The following COMMD10 variants were observed in gnomAD, a reference collection of about 807,000 sequenced individuals.
COMMD10 encodes COMM domain-containing protein 10.
In COMMD10, 33 loss-of-function variants were observed where a neutral mutation model predicts 28.9. The observed-to-expected ratio is 1.14, with a 90% CI of 0.87 to 1.53. COMMD10 has a LOEUF of 1.53. COMMD10 is among the 40% of genes most tolerant of loss of function. The pLI, the probability that COMMD10 is intolerant of heterozygous loss-of-function variation, is 0.00. For missense variants in COMMD10, 310 were observed against 233.4 expected (o/e 1.33, Z -2.14); for synonymous variants, 110 against 81.7 (o/e 1.35, Z -1.87).
intron 4 of COMMD10, among the ~76,000 whole-genome samples, chr5:116,112,582 G>T (rs190672913): frequency 6.6e-6 from 1 of 152,002 alleles, no homozygotes; most frequent in Non-Finnish European, 1.5e-5. Context: ...TGTACTTTAA[G>T]TAGAGACTGT....
chr5:116,243,038 A>G (rs564256284), intron 5 of COMMD10, among the ~76,000 whole-genome samples: 2 of 152,208 alleles, frequency 1.3e-5, no homozygotes, highest in Non-Finnish European at 2.9e-5. Context: ...TTTCTTTATT[A>G]AATAATACCC....
chr5:116,164,448 T>A lies in COMMD10; in HGVS notation c.510+30270T>A, dbSNP rs12521150. Among the ~76,000 whole-genome samples, 809 of 152,334 alleles carry A rather than the reference T, an allele frequency of 5.3e-3. 35 individuals are homozygous for A. The highest frequency in any genetic ancestry group is 0.036 in the East Asian group (189 of 5,186). On this transcript the variant is annotated intron_variant, in intron 5 of 6. Coordinates refer to ENST00000274458, the MANE Select transcript of COMMD10 (RefSeq NM_016144.4). ...GTTGTTCACACAAAGGTTAGGTAAT[T>A]CTATAATTAATTTTTCATTGGTTTA...
intron 5 of COMMD10, among the ~76,000 whole-genome samples, chr5:116,235,710 A>G (rs1174447931): frequency 2.0e-5 from 3 of 152,200 alleles, no homozygotes; most frequent in Non-Finnish European, 4.4e-5. Flanking sequence ...TGCTGATGAG[A>G]AATAGAATTC....
intron 5 of COMMD10, among the ~76,000 whole-genome samples, chr5:116,172,783 AC>A (rs1166678659): frequency 2.6e-5 from 4 of 152,018 alleles, no homozygotes; most frequent in Non-Finnish European, 4.4e-5. Context: ...AATATTACTA[AC>A]CTTTCCTCAT....
At chr5:116,204,180 G>C (rs1448475617) in intron 5 of COMMD10, among the ~76,000 whole-genome samples, 1 of 152,174 alleles carries the variant, frequency 6.6e-6, no homozygotes, top group African/African-American at 2.4e-5. Context: ...AATTCAACAA[G>C]AAGAGCTATC....
Position 116,149,218 on chromosome 5 carries a change from G to A in COMMD10, c.510+15040G>A, listed in dbSNP as rs1195119019. ...TTTTATGGCTGCGTAGTATTCCATG[G>A]TATATATGTGACACATTTTCTTAAT... On this transcript the variant is annotated intron_variant, in intron 5 of 6. Coordinates refer to ENST00000274458, the MANE Select transcript of COMMD10 (RefSeq NM_016144.4). 2.0e-5 allele frequency among the ~76,000 whole-genome samples: 3 copies of A among 146,558 alleles called. 1 individual carries two copies. The highest frequency in any genetic ancestry group is 4.4e-5 in the Non-Finnish European group (3 of 67,464).
intron 4 of COMMD10, among the ~76,000 whole-genome samples, chr5:116,123,363 G>A (rs1305334219): frequency 1.3e-5 from 2 of 152,140 alleles, no homozygotes; most frequent in African/African-American, 4.8e-5. Context: ...TTATGTGATG[G>A]ATTACGTTTA....
At chr5:116,110,604 T>G (rs911649452) in intron 4 of COMMD10, among the ~76,000 whole-genome samples, 2 of 152,208 alleles carry the variant, frequency 1.3e-5, no homozygotes, top group South Asian at 4.1e-4. Context: ...TGTGTATTAG[T>G]CTGTTCTTAC....
intron 4 of COMMD10, among the ~76,000 whole-genome samples, chr5:116,133,208 A>C (rs537434514): frequency 6.6e-6 from 1 of 152,200 alleles, no homozygotes; most frequent in Non-Finnish European, 1.5e-5. Flanking sequence ...CTAAATATTG[A>C]TACTTGAGAT....
chr5:116,213,800 G>A (rs1416344638), intron 5 of COMMD10, among the ~76,000 whole-genome samples: 1 of 151,838 alleles, frequency 6.6e-6, no homozygotes, highest in African/African-American at 2.4e-5. Context: ...TCGTATTTTA[G>A]TACAAATACC....
intron 2 of COMMD10, among the ~76,000 whole-genome samples, chr5:116,090,467 A>G (rs182596140): frequency 9.6e-4 from 147 of 152,342 alleles, no homozygotes; most frequent in African/African-American, 3.4e-3. Context: ...TTGCACTTCA[A>G]AAATAACTGT....
intron 5 of COMMD10, among the ~76,000 whole-genome samples, chr5:116,269,199 A>G (rs1750689330): frequency 6.6e-6 from 1 of 151,932 alleles, no homozygotes; most frequent in African/African-American, 2.4e-5. Context: ...TGACACAAAC[A>G]AAACCTGTAC....
At chr5:116,222,463 T>G (rs1250788347) in intron 5 of COMMD10, among the ~76,000 whole-genome samples, 1 of 152,200 alleles carries the variant, frequency 6.6e-6, no homozygotes, top group African/African-American at 2.4e-5. Context: ...TTAAATTGAC[T>G]CATTGACTCA....
chr5:116,164,041 G>C (rs1753011565), intron 5 of COMMD10, among the ~76,000 whole-genome samples: 1 of 152,162 alleles, frequency 6.6e-6, no homozygotes, highest in South Asian at 2.1e-4. Flanking sequence ...CTGAGGCCAG[G>C]CCTGGTGGCT....
At chr5:116,205,377 A>G (rs376491185) in intron 5 of COMMD10, among the ~76,000 whole-genome samples, 6 of 152,334 alleles carry the variant, frequency 3.9e-5, no homozygotes, top group African/African-American at 7.2e-5. Flanking sequence ...TACTACCTAT[A>G]GTAGCATCTG....
intron 5 of COMMD10, among the ~76,000 whole-genome samples, chr5:116,232,236 C>G (rs990603771): frequency 1.3e-5 from 2 of 151,922 alleles, no homozygotes; most frequent in Non-Finnish European, 2.9e-5. Flanking sequence ...TACCCATTGG[C>G]TTACTGGGTT....
At chr5:116,164,409 G>A (rs1312958748) in intron 5 of COMMD10, among the ~76,000 whole-genome samples, 1 of 152,152 alleles carries the variant, frequency 6.6e-6, no homozygotes, top group African/African-American at 2.4e-5. Flanking sequence ...CCAAATAAGT[G>A]GGGGTAATTG....
In COMMD10 at chr5:116,136,109, C is replaced by A. The variant is rs150114431; in HGVS notation, c.510+1931C>A. ...AGAAATCAATCCATTTGTTTTAATTCAGAGCTCTCACTAAATTTATTTCCT... is the reference window on the plus strand; with the variant it reads ...AGAAATCAATCCATTTGTTTTAATTAAGAGCTCTCACTAAATTTATTTCCT... On this transcript the variant is annotated intron_variant, in intron 5 of 6. Transcript: ENST00000274458. Among the ~76,000 whole-genome samples, 289 of 152,244 alleles carry A rather than the reference C, an allele frequency of 1.9e-3. 3 individuals carry two copies. The highest frequency in any genetic ancestry group is 6.6e-3 in the African/African-American group (273 of 41,542).
At chr5:116,210,578 A>G (rs77853922) in intron 5 of COMMD10, among the ~76,000 whole-genome samples, 6 of 152,038 alleles carry the variant, frequency 3.9e-5, no homozygotes, top group African/African-American at 1.4e-4. Context: ...TTACTATTAG[A>G]CATTGTTTAT....
Sources: gnomAD v4.1 joint callset for allele counts (sites outside exome capture counted in the v4.1 genomes callset) on GRCh38, gnomAD v4.1.1 for gene constraint, MANE v1.5 for transcripts, NCBI Gene and HGNC (gene_info 2026-07-23, HGNC 2026-07-21) for gene names.